Variants in GABRG3 observed in about 807,000 individuals in gnomAD.
GABRG3 encodes the protein gamma-aminobutyric acid receptor subunit gamma-3.
Under a neutral mutation model 48.8 loss-of-function variants are expected in GABRG3, and 25 were observed. The ratio of observed to expected loss-of-function variants is 0.51; its 90% CI spans 0.37 to 0.72. The LOEUF (loss-of-function observed/expected upper bound fraction) is 0.72, where lower values mean the gene tolerates loss of function less well. Ranked by LOEUF, GABRG3 falls within the 30% of genes least tolerant of loss-of-function variation. The probability of loss-of-function intolerance (pLI) is 0.00; values close to 1 mark genes in which losing one functional copy is unlikely to be tolerated. For missense variants in GABRG3, 394 were observed against 577.9 expected (o/e 0.68, Z 3.26); for synonymous variants, 227 against 217.6 (o/e 1.04, Z -0.38).
chr15:27,202,362 C>T lies in GABRG3; in HGVS notation c.271-124447C>T, dbSNP rs984790725. Among the ~76,000 whole-genome samples, 5 of 152,150 alleles carry T rather than the reference C, an allele frequency of 3.3e-5. No homozygotes were observed. In the South Asian group the frequency reaches 6.2e-4, roughly 19 times the overall value. On this transcript the variant is annotated intron_variant, in intron 3 of 9. Transcript: ENST00000615808. ...ATTATTTGTAATGGCTACCCGCTTT[C>T]GGTTTTCCCCACTACAAGTAATGCT...
chr15:27,161,742 A>G (rs1887199776), intron 3 of GABRG3, among the ~76,000 whole-genome samples: 1 of 152,126 alleles, frequency 6.6e-6, no homozygotes, highest in Admixed American at 6.6e-5. Context: ...TTCAAGGTTC[A>G]TGTTTTTCTC....
chr15:27,313,142 C>T (rs1893053624), intron 3 of GABRG3, among the ~76,000 whole-genome samples: 1 of 140,802 alleles, frequency 7.1e-6, no homozygotes, highest in African/African-American at 2.6e-5. Context: ...ACAAAGATGG[C>T]CATAATGTAA....
chr15:27,368,887 T>C (rs1895302233), intron 5 of GABRG3, among the ~76,000 whole-genome samples: 2 of 152,134 alleles, frequency 1.3e-5, no homozygotes, highest in Admixed American at 6.5e-5. Context: ...GCTTGATGCC[T>C]CTCCCAATGA....
At chr15:27,017,428 T>C (rs1223128984) in intron 2 of GABRG3, among the ~76,000 whole-genome samples, 1 of 152,166 alleles carries the variant, frequency 6.6e-6, no homozygotes, top group East Asian at 1.9e-4. Flanking sequence ...CCCCCTACTG[T>C]CATTCCATCG....
chr15:27,174,556 T>C (rs926797850), intron 3 of GABRG3, among the ~76,000 whole-genome samples: 1 of 151,310 alleles, frequency 6.6e-6, no homozygotes, highest in African/African-American at 2.4e-5. Context: ...TTATCTCCAG[T>C]GTGGACCAGT....
At chr15:27,062,985 T>C (rs867940168) in intron 3 of GABRG3, among the ~76,000 whole-genome samples, 1 of 152,232 alleles carries the variant, frequency 6.6e-6, no homozygotes, top group African/African-American at 2.4e-5. Flanking sequence ...AAGAAATTCA[T>C]GTATCATGGT....
intron 6 of GABRG3, among the ~76,000 whole-genome samples, chr15:27,491,054 G>A (rs1361417854): frequency 6.6e-6 from 1 of 152,228 alleles, no homozygotes; most frequent in Non-Finnish European, 1.5e-5. Context: ...CACCACGCAT[G>A]AGAGGAATGC....
At chr15:27,227,236 A>G (rs1889651442) in intron 3 of GABRG3, among the ~76,000 whole-genome samples, 1 of 152,168 alleles carries the variant, frequency 6.6e-6, no homozygotes, top group African/African-American at 2.4e-5. Context: ...CTGTAATCCC[A>G]GGGCTTTGGG....
intron 3 of GABRG3, among the ~76,000 whole-genome samples, chr15:27,303,199 T>C (rs1229432937): frequency 6.6e-6 from 1 of 151,350 alleles, no homozygotes; most frequent in Non-Finnish European, 1.5e-5. Flanking sequence ...GTGAAAATAT[T>C]TGTAAATGCA....
intron 7 of GABRG3, among the ~76,000 whole-genome samples, chr15:27,527,161 A>G (rs1351700253): frequency 6.6e-6 from 1 of 152,244 alleles, no homozygotes; most frequent in Non-Finnish European, 1.5e-5. Context: ...GTTAAAAATT[A>G]CCAACAATGA....
intron 3 of GABRG3, among the ~76,000 whole-genome samples, chr15:27,067,297 C>T (rs961361538): frequency 3.3e-5 from 5 of 152,210 alleles, no homozygotes; most frequent in Non-Finnish European, 7.3e-5. Flanking sequence ...CTGTGTTTCA[C>T]TACGCAGCTG....
Position 27,417,208 on chromosome 15 carries a change from G to A in GABRG3, c.575-63442G>A, listed in dbSNP as rs140180415. 4.5e-3 allele frequency among the ~76,000 whole-genome samples: 691 copies of A among 152,224 alleles called. 7 individuals carry two copies. Among genetic ancestry groups the A allele is most frequent in the African/African-American group, 0.016 (654 of 41,524 alleles). On this transcript the variant is annotated intron_variant, in intron 5 of 9. Transcript: ENST00000615808. Reference sequence around the variant, plus strand: ...GAGATTTCTGGCCCAGGAGCTGTGGGTGCTGCTGGTATGCAGTGGGTAGAG... The same window carrying A: ...GAGATTTCTGGCCCAGGAGCTGTGGATGCTGCTGGTATGCAGTGGGTAGAG...
chr15:27,331,204 T>C (rs752429543), intron 5 of GABRG3, among the ~76,000 whole-genome samples: 4 of 152,142 alleles, frequency 2.6e-5, no homozygotes, highest in Non-Finnish European at 5.9e-5. Context: ...GAAGTAGACA[T>C]ACTGGTACTA....
chr15:27,123,769 A>G (rs1021361289), intron 3 of GABRG3, among the ~76,000 whole-genome samples: 4 of 152,104 alleles, frequency 2.6e-5, no homozygotes, highest in Admixed American at 1.3e-4. Flanking sequence ...GGTGAAATAC[A>G]CACACGAGGA....
chr15:27,351,079 GTGTA>G (rs1280528649), intron 5 of GABRG3, among the ~76,000 whole-genome samples: 2 of 150,278 alleles, frequency 1.3e-5, no homozygotes, highest in Non-Finnish European at 3.0e-5. Flanking sequence ...TGGTATGTGT[GTGTA>G]TAGTGTGTGT....
At chr15:27,296,930 T>G (rs927265799) in intron 3 of GABRG3, among the ~76,000 whole-genome samples, 1 of 151,892 alleles carries the variant, frequency 6.6e-6, no homozygotes, top group Non-Finnish European at 1.5e-5. Flanking sequence ...TCGTAGGAGA[T>G]GACGGCTCCA....
chr15:27,229,116 G>A (rs1013856996), intron 3 of GABRG3, among the ~76,000 whole-genome samples: 6 of 152,264 alleles, frequency 3.9e-5, no homozygotes, highest in African/African-American at 1.4e-4. Context: ...TGCTTTTGGT[G>A]TCTTTGTCAC....
chr15:27,026,649 C>A, intron 2 of GABRG3, 105 bp from the exon 3 acceptor site: 2 of 615,922 alleles, frequency 3.2e-6, no homozygotes, highest in Non-Finnish European at 5.3e-6. Context: ...TGTGTGTTTC[C>A]ACCATGTCCT....
chr15:27,039,740 C>G (rs116104879), intron 3 of GABRG3, among the ~76,000 whole-genome samples: 1,542 of 152,328 alleles, frequency 0.01, 21 homozygotes, highest in African/African-American at 0.035. Context: ...TGAGGCAGAA[C>G]TGTATTCCTG....
Sources: gnomAD v4.1 joint callset for allele counts (sites outside exome capture counted in the v4.1 genomes callset) on GRCh38, gnomAD v4.1.1 for gene constraint, MANE v1.5 for transcripts, NCBI Gene and HGNC (gene_info 2026-07-23, HGNC 2026-07-21) for gene names.